The following PUDP variants were observed in gnomAD, a reference collection of about 807,000 sequenced individuals.
PUDP encodes pseudouridine-5'-phosphatase.
A neutral mutation model predicts 9.4 loss-of-function variants in PUDP; 8 were observed. The ratio of observed to expected loss-of-function variants is 0.85; its 90% CI spans 0.50 to 1.53. The LOEUF (loss-of-function observed/expected upper bound fraction) is 1.53, where lower values mean the gene tolerates loss of function less well. PUDP is among the 40% of genes most tolerant of loss of function. The probability of loss-of-function intolerance (pLI) is 0.00; values close to 1 mark genes in which losing one functional copy is unlikely to be tolerated. For synonymous variants in PUDP, 99 were observed against 80.7 expected, an observed-to-expected ratio of 1.23 and a Z score of -1.22; for missense variants, 188 against 189.7, an observed-to-expected ratio of 0.99 and a Z score of 0.05.
intron 1 of PUDP, among the ~76,000 whole-genome samples, chrX:7,034,735 C>T (rs181697363): frequency 5.4e-5 from 6 of 111,197 alleles, no homozygotes; most frequent in Non-Finnish European, 1.1e-4. Flanking sequence ...TGGCCCATAC[C>T]GCCCTCTGCT....
chrX:7,042,659 T>TGG (rs35699373), intron 1 of PUDP, among the ~76,000 whole-genome samples: 242 of 104,099 alleles, frequency 2.3e-3, no homozygotes, highest in Non-Finnish European at 3.7e-3. Flanking sequence ...TTTCATTTTT[T>TGG]GGGGGGGGTA....
chrX:7,037,021 T>C (rs1429164089), intron 1 of PUDP, among the ~76,000 whole-genome samples: 1 of 112,216 alleles, frequency 8.9e-6, no homozygotes, highest in Non-Finnish European at 1.9e-5. Context: ...TCATAAATCA[T>C]GTTCTGTTCT....
At chrX:7,005,017 G>A (rs770841746) in intron 1 of PUDP, among the ~76,000 whole-genome samples, 2 of 112,042 alleles carry the variant, frequency 1.8e-5, no homozygotes, top group Admixed American at 9.5e-5. Context: ...TATTATGTAC[G>A]TATAAGTCAG....
At chrX:6,923,839 G>A (rs913784318) in intron 3 of PUDP, among the ~76,000 whole-genome samples, 13 of 111,405 alleles carry the variant, frequency 1.2e-4, no homozygotes, top group African/African-American at 3.9e-4. Flanking sequence ...GCTTGACTGT[G>A]ACTCTCAAGG....
rs1254019339 is a variant in PUDP, at chrX:7,131,739, A to G, written c.61+16314T>C. Among the ~76,000 whole-genome samples the G allele has an allele frequency of 3.7e-5, 4 of 106,876 alleles. No homozygotes were observed. In the East Asian group the frequency reaches 1.2e-3, roughly 31 times the overall value. The allele number at this position is 106,876 out of a possible 115,157, so 92.8% of individuals were successfully genotyped here. A position where few individuals can be genotyped will look rare whatever the true frequency, so the allele number is the denominator to read the frequency against. ...AACAGTCCACATCATCAGAAGCACCACCCTTCTAGACATCGTGTGCTCGCC... is the reference window on the plus strand; with the variant it reads ...AACAGTCCACATCATCAGAAGCACCGCCCTTCTAGACATCGTGTGCTCGCC... On this transcript the variant is annotated intron_variant, in intron 1 of 3. Transcript: ENST00000381077.
chrX:6,896,794 C>T (rs1046701309), intron 3 of PUDP, among the ~76,000 whole-genome samples: 2 of 111,641 alleles, frequency 1.8e-5, no homozygotes, highest in African/African-American at 6.5e-5. Context: ...CCGGGCTGTT[C>T]CGGCCTTTGC....
intron 1 of PUDP, among the ~76,000 whole-genome samples, chrX:6,716,752 C>T (rs1186179197): frequency 9.0e-6 from 1 of 110,761 alleles, no homozygotes; most frequent in Non-Finnish European, 1.9e-5. Context: ...TGTGCCTCAG[C>T]CTTCTGAATA....
chrX:6,791,728 G>C (rs1452813344), intron 3 of PUDP, among the ~76,000 whole-genome samples: 1 of 111,861 alleles, frequency 8.9e-6, no homozygotes, highest in African/African-American at 3.3e-5. Flanking sequence ...AGCCCTGCTA[G>C]AGCTGTATCA....
chrX:6,892,007 C>T (rs142985676), intron 3 of PUDP, among the ~76,000 whole-genome samples: 1,250 of 112,011 alleles, frequency 0.011, 9 homozygotes, highest in Middle Eastern at 0.023. Context: ...CAGCACTCAG[C>T]ACAGTTGCTG....
At chrX:7,136,274 C>T (rs1454034122) in intron 1 of PUDP, among the ~76,000 whole-genome samples, 6 of 112,212 alleles carry the variant, frequency 5.3e-5, no homozygotes, top group African/African-American at 1.9e-4. Flanking sequence ...AGAAAGCACA[C>T]GTGACGTGAC....
chrX:6,765,282 AAAAC>A (rs889121022), intron 3 of PUDP, among the ~76,000 whole-genome samples: 33 of 110,985 alleles, frequency 3.0e-4, no homozygotes, highest in East Asian at 1.1e-3. Context: ...CCTGTCTCAA[AAAAC>A]AAACAAACAA....
chrX:7,124,273 C>T (rs745697025), intron 1 of PUDP, among the ~76,000 whole-genome samples: 1 of 111,868 alleles, frequency 8.9e-6, no homozygotes, highest in South Asian at 3.7e-4. Flanking sequence ...AAACAACATA[C>T]TCCTAAAAAT....
intron 2 of PUDP, among the ~76,000 whole-genome samples, chrX:7,097,258 G>A (rs936270915): frequency 3.6e-5 from 4 of 112,006 alleles, no homozygotes; most frequent in African/African-American, 1.3e-4. Flanking sequence ...AAAGCAAACA[G>A]ATGAGCTGGG....
chrX:6,718,014 G>A (rs776048976), intron 1 of PUDP, among the ~76,000 whole-genome samples: 4 of 110,952 alleles, frequency 3.6e-5, no homozygotes, highest in Non-Finnish European at 5.7e-5. Context: ...TTTGACAAAC[G>A]TCTTTTCATG....
At chrX:6,916,411 G>GTT (rs371625779) in intron 3 of PUDP, among the ~76,000 whole-genome samples, 20,083 of 94,874 alleles carry the variant, frequency 0.21, 1,820 homozygotes, top group Admixed American at 0.33. Flanking sequence ...TGCATCCCCA[G>GTT]TTTTTTTTTT....
intron 1 of PUDP, among the ~76,000 whole-genome samples, chrX:6,982,733 T>G (rs891418379): frequency 1.8e-5 from 2 of 111,438 alleles, no homozygotes; most frequent in East Asian, 5.6e-4. Context: ...ACAGTTTAGT[T>G]TGGGGGAAGG....
rs957111882 is a variant in PUDP, at chrX:7,148,100, G to T, written c.14C>A (p.Pro5Gln). 8.8e-6 allele frequency: 10 copies of T among 1,131,077 alleles called. No homozygotes were observed. The African/African-American group carries it at 1.7e-4, about 19-fold the overall frequency. The allele number at this position is 1,131,077 out of a possible 1,213,427, so 93.2% of individuals were successfully genotyped here. A position where few individuals can be genotyped will look rare whatever the true frequency, so the allele number is the denominator to read the frequency against. Reference protein sequence around the residue: MAAPPQPVTHLIFDM... With the variant: MAAPQQPVTHLIFDM... ...AAAGATGAGGTGGGTGACGGGCTGCGGGGGCGCCGCCATGGTGGCGCCTTC... is the reference window on the plus strand; with the variant it reads ...AAAGATGAGGTGGGTGACGGGCTGCTGGGGCGCCGCCATGGTGGCGCCTTC... The change falls in exon 1 of 4, where the codon CCG becomes CAG. Residue 5 changes from proline to glutamine, a missense_variant. By Grantham distance (76) the Pro-to-Gln change is moderately conservative. Transcript: ENST00000381077.
intron 1 of PUDP, among the ~76,000 whole-genome samples, chrX:7,138,162 T>C (rs1484751954): frequency 9.0e-6 from 1 of 111,381 alleles, no homozygotes; most frequent in African/African-American, 3.3e-5. Flanking sequence ...ACAAGTAAGG[T>C]GGTATCATGT....
rs781483069 is a variant in PUDP at position 6,930,589 on chromosome X, C to T, written c.*247+46544G>A. 2.7e-5 allele frequency among the ~76,000 whole-genome samples: 3 copies of T among 111,475 alleles called. No homozygotes were observed. In the South Asian group the frequency reaches 1.2e-3, roughly 43 times the overall value. ...CCAGAAAACTCATGAATAATCCACC[C>T]CTCATTCAGCAATGATCAAGAAATA... is the stretch of plus-strand genomic sequence containing the variant. On this transcript the variant is annotated intron_variant and NMD_transcript_variant, in intron 3 of 3. Transcript: ENST00000655425.
Sources: allele counts gnomAD v4.1 joint callset (sites outside exome capture counted in the v4.1 genomes callset), GRCh38; gene constraint gnomAD v4.1.1; transcripts MANE v1.5; gene names NCBI Gene and HGNC (gene_info 2026-07-23, HGNC 2026-07-21).